The following TRPC3 variants were observed in gnomAD, a reference collection of about 807,000 sequenced individuals.
The protein encoded by TRPC3 is short transient receptor potential channel 3.
Under a neutral mutation model 90.9 loss-of-function variants are expected in TRPC3, and 54 were observed. The observed-to-expected ratio is 0.59, with a 90% CI of 0.48 to 0.75. The LOEUF (loss-of-function observed/expected upper bound fraction) is 0.75. Among genes scored for constraint, TRPC3 ranks in the 30% least tolerant of loss-of-function variants. TRPC3 has a pLI of 0.00. For synonymous variants in TRPC3, 424 were observed against 450.9 expected, an observed-to-expected ratio of 0.94 and a Z score of 0.75; for missense variants, 918 against 1,194.5, an observed-to-expected ratio of 0.77 and a Z score of 3.41.
chr4:121,918,582 A>C (rs1321734874), intron 3 of TRPC3, among the ~76,000 whole-genome samples: 1 of 152,132 alleles, frequency 6.6e-6, no homozygotes, highest in African/African-American at 2.4e-5. Flanking sequence ...GCAAACACTT[A>C]CTCTACATTA....
intron 10 of TRPC3, among the ~76,000 whole-genome samples, chr4:121,883,399 T>C (rs1426875401): frequency 1.3e-5 from 2 of 152,048 alleles, no homozygotes; most frequent in Non-Finnish European, 2.9e-5. Flanking sequence ...TAATTAAAAA[T>C]AATTTATATC....
intron 10 of TRPC3, among the ~76,000 whole-genome samples, chr4:121,894,881 G>T (rs1346736349): frequency 6.6e-6 from 1 of 151,900 alleles, no homozygotes; most frequent in East Asian, 1.9e-4. Context: ...TAATCAGCAC[G>T]TGGTACATTC....
intron 2 of TRPC3, among the ~76,000 whole-genome samples, chr4:121,927,052 G>C (rs150981350): frequency 4.6e-3 from 701 of 152,208 alleles, no homozygotes; most frequent in Non-Finnish European, 7.1e-3. Context: ...TTGTTTGTTT[G>C]TTTGTCTGAA....
chr4:121,943,185 T>TC lies in TRPC3; in HGVS notation c.215+8280_215+8281insG, dbSNP rs1282612105. On this transcript the variant is annotated intron_variant, in intron 1 of 11. Coordinates refer to ENST00000379645, the MANE Select transcript of TRPC3 (RefSeq NM_001130698.2). The stretch of plus-strand genomic sequence containing the variant: ...CTGAAGACCTAAGGAACAGATAATT[T>TC]TCCCCCCCTAGATTACAGAATACCC... Among the ~76,000 whole-genome samples the TC allele has an allele frequency of 5.6e-4, 61 of 109,870 alleles. No homozygotes were observed. The East Asian group carries it at 6.0e-3, about 11-fold the overall frequency. The allele number at this position is 109,870 out of a possible 152,430, so 72.1% of individuals were successfully genotyped here. A position where few individuals can be genotyped will look rare whatever the true frequency, so the allele number is the denominator to read the frequency against.
Position 121,932,171 on chromosome 4 carries a change from G to A in TRPC3, c.987+100C>T. ...TCCCTCGTGATTTCACATTCACTGGGCAAAACCGAATGTGGAGCGAACGGT... is the reference window on the plus strand; with the variant it reads ...TCCCTCGTGATTTCACATTCACTGGACAAAACCGAATGTGGAGCGAACGGT... On this transcript the variant is annotated intron_variant, in intron 2 of 11. Transcript: ENST00000379645. This position sits in a 1 kb window ranked among gnomAD's most constrained non-coding sequence, Gnocchi z 7.7. 1 of 1,523,198 alleles carries A rather than the reference G, an allele frequency of 6.6e-7. No individual in the cohort carries two copies. Among genetic ancestry groups the A allele is most frequent in the Non-Finnish European group, 8.8e-7 (1 of 1,132,370 alleles). The allele number at this position is 1,523,198 out of a possible 1,614,324, so 94.4% of individuals were successfully genotyped here. A position where few individuals can be genotyped will look rare whatever the true frequency, so the allele number is the denominator to read the frequency against.
At chr4:121,938,908 G>A (rs963471654) in intron 1 of TRPC3, among the ~76,000 whole-genome samples, 5 of 151,024 alleles carry the variant, frequency 3.3e-5, no homozygotes, top group Admixed American at 6.6e-5. Flanking sequence ...TTCATCAGTC[G>A]AGACTCGTCT....
At chr4:121,928,147 C>G (rs1326436014) in intron 2 of TRPC3, among the ~76,000 whole-genome samples, 1 of 152,082 alleles carries the variant, frequency 6.6e-6, no homozygotes, top group African/African-American at 2.4e-5. Flanking sequence ...GTAGTAATAC[C>G]TAAATAATGA....
intron 1 of TRPC3, among the ~76,000 whole-genome samples, chr4:121,946,361 G>A (rs1051722030): frequency 6.6e-6 from 1 of 152,030 alleles, no homozygotes; most frequent in East Asian, 1.9e-4. Context: ...GATAACTTCA[G>A]GAAAACACAC....
intron 1 of TRPC3, among the ~76,000 whole-genome samples, chr4:121,947,558 A>G (rs1180435774): frequency 6.6e-6 from 1 of 152,206 alleles, no homozygotes; most frequent in African/African-American, 2.4e-5. Flanking sequence ...TATAAAGGTG[A>G]GTATCAGAAG....
intron 1 of TRPC3, among the ~76,000 whole-genome samples, chr4:121,940,097 C>G (rs566321157): frequency 6.6e-6 from 1 of 152,208 alleles, no homozygotes; most frequent in South Asian, 2.1e-4. Context: ...CACTGAGACT[C>G]TGAGCCCTTT....
chr4:121,914,698 T>G (rs1729236400), intron 4 of TRPC3, 82 bp downstream of exon 4: 2 of 1,367,848 alleles, frequency 1.5e-6, no homozygotes, highest in Non-Finnish European at 1.9e-6. Flanking sequence ...GATAAGATTC[T>G]TAAGCATGAA....
chr4:121,901,453 C>T (rs1421232880), intron 9 of TRPC3, among the ~76,000 whole-genome samples: 2 of 152,208 alleles, frequency 1.3e-5, no homozygotes, highest in Admixed American at 1.3e-4. Flanking sequence ...TTGAATTCTG[C>T]ACCTACCCCA....
At chr4:121,901,764 C>T (rs1271802590) in intron 9 of TRPC3, among the ~76,000 whole-genome samples, 1 of 152,076 alleles carries the variant, frequency 6.6e-6, no homozygotes, top group Non-Finnish European at 1.5e-5. Context: ...GTTAATAAGC[C>T]CTAAGTGCCA....
chr4:121,922,232 C>A (rs1000802810), intron 3 of TRPC3, among the ~76,000 whole-genome samples: 1 of 151,824 alleles, frequency 6.6e-6, no homozygotes, highest in Non-Finnish European at 1.5e-5. Context: ...ATGAAGGAAG[C>A]CTTTGAAAGG....
chr4:121,898,573 CA>C, intron 10 of TRPC3, among the ~76,000 whole-genome samples: 1 of 152,202 alleles, frequency 6.6e-6, no homozygotes, highest in African/African-American at 2.4e-5. Flanking sequence ...TCCCTGGTGC[CA>C]AAAAGGTTGG....
chr4:121,922,275 T>C (rs1206703814), intron 3 of TRPC3, among the ~76,000 whole-genome samples: 2 of 152,180 alleles, frequency 1.3e-5, no homozygotes, highest in East Asian at 3.8e-4. Flanking sequence ...GCTTTGCAAG[T>C]ATTCTAGAAT....
At chr4:121,897,863 T>C (rs1428508785) in intron 10 of TRPC3, among the ~76,000 whole-genome samples, 1 of 152,160 alleles carries the variant, frequency 6.6e-6, no homozygotes, top group Non-Finnish European at 1.5e-5. Context: ...CATGTTTTAT[T>C]GCAGCACTAT....
rs868800994 is a variant in TRPC3 at position 121,875,181 on chromosome 4, T to C, written c.*4555A>G. The stretch of plus-strand genomic sequence containing the variant: ...CAATGCTGGCAGTGCTTACTTTCCA[T>C]TTAGCAAGTGATGTCCACTGTTCAA... On this transcript the variant is annotated 3_prime_UTR_variant, in exon 12 of 12. Coordinates refer to ENST00000379645, the MANE Select transcript of TRPC3 (RefSeq NM_001130698.2). Among the ~76,000 whole-genome samples, 1 of 151,944 alleles carries C rather than the reference T, an allele frequency of 6.6e-6. No individual in the cohort carries two copies. The highest frequency in any genetic ancestry group is 6.5e-5 in the Admixed American group (1 of 15,270).
At chr4:121,937,351 C>G (rs1203709446) in intron 1 of TRPC3, among the ~76,000 whole-genome samples, 10 of 152,234 alleles carry the variant, frequency 6.6e-5, no homozygotes, top group African/African-American at 2.4e-4. Flanking sequence ...AGTTGTCACT[C>G]TGGTCCTGCC....
Sources: gnomAD v4.1 joint callset for allele counts (sites outside exome capture counted in the v4.1 genomes callset) on GRCh38, gnomAD v4.1.1 for gene constraint, Gnocchi (gnomAD v3.1) non-coding constraint, MANE v1.5 for transcripts, NCBI Gene and HGNC (gene_info 2026-07-23, HGNC 2026-07-21) for gene names.